Variants in STARD9 observed in about 807,000 individuals in gnomAD.
STARD9 encodes stAR-related lipid transfer protein 9.
STARD9 carries 346 observed loss-of-function variants against 399.8 expected under a neutral mutation model. The ratio of observed to expected loss-of-function variants is 0.87; its 90% CI spans 0.79 to 0.95. The LOEUF (loss-of-function observed/expected upper bound fraction) is 0.95. STARD9 is among the 40% of genes least tolerant of loss of function. The pLI is 0.00. For missense variants in STARD9, 5,832 were observed against 5,667.5 expected (o/e 1.03, Z -0.93); for synonymous variants, 2,203 against 2,143.5 (o/e 1.03, Z -0.77).
intron 9 of STARD9, among the ~76,000 whole-genome samples, chr15:42,653,133 TA>T (rs2059797765): frequency 6.6e-6 from 1 of 152,246 alleles, no homozygotes; most frequent in Non-Finnish European, 1.5e-5. Flanking sequence ...TGCTTATATT[TA>T]TTTTTAACAT....
At chr15:42,612,780 T>TTGAGA (rs1310777216) in intron 3 of STARD9, among the ~76,000 whole-genome samples, 12 of 152,108 alleles carry the variant, frequency 7.9e-5, no homozygotes, top group Admixed American at 7.9e-4. Context: ...GGTCAGAAGT[T>TTGAGA]TGAGACCAGC....
intron 3 of STARD9, among the ~76,000 whole-genome samples, chr15:42,627,482 T>C (rs1236499072): frequency 6.6e-6 from 1 of 152,200 alleles, no homozygotes; most frequent in African/African-American, 2.4e-5. Flanking sequence ...TATTTTGAAA[T>C]GTACAATAAA....
chr15:42,693,508 T>C lies in STARD9; in HGVS notation c.11930T>C (p.Leu3977Pro). 6.5e-7 allele frequency: 1 copy of C among 1,537,272 alleles called. No homozygotes were observed. The highest frequency in any genetic ancestry group is 1.2e-5 in the South Asian group (1 of 84,058). Residue 3977 changes from leucine (L) to proline (P), a missense_variant, in exon 23 of 33, where the codon CTT (leucine) becomes CCT (proline). Coordinates refer to ENST00000290607, the MANE Select transcript of STARD9 (RefSeq NM_020759.3). ...SLQRSNGRSF[L>P]ELHSPHSPQQ... ...CAAAGGAGTAATGGGAGATCCTTCC[T>C]TGAGTTGCACTCCCCACACAGCCCA...
At chr15:42,705,459 A>C (rs750405856) in intron 26 of STARD9, among the ~76,000 whole-genome samples, 8 of 151,684 alleles carry the variant, frequency 5.3e-5, no homozygotes, top group Non-Finnish European at 1.0e-4. Context: ...TTTGAGATGG[A>C]GTCTTGCTCT....
chr15:42,648,534 C>A (rs2059690898), intron 7 of STARD9, among the ~76,000 whole-genome samples: 1 of 152,144 alleles, frequency 6.6e-6, no homozygotes, highest in Non-Finnish European at 1.5e-5. Flanking sequence ...TTCTTTTAGT[C>A]ATTAAAAATT....
rs1201071616 is a variant in STARD9, at chr15:42,693,360, G to T, written c.11782G>T (p.Val3928Phe). The stretch of plus-strand genomic sequence containing the variant: ...CCTCTCAGCCCCTTCAACTCACCCT[G>T]TTGAAGGCCACCAGAAGCTTGACTC... ...LTLSAPSTHP[V>F]EGHQKLDSSP... Residue 3928 changes from valine to phenylalanine, a missense_variant, in exon 23 of 33, where the codon GTT becomes TTT. Physicochemically the swap from Val to Phe is conservative, Grantham distance 50. This residue lies in a region of STARD9 where 5,828 missense variants were observed against 5,651.1 expected (regional missense o/e 1.03). Coordinates refer to ENST00000290607, the MANE Select transcript of STARD9 (RefSeq NM_020759.3). The T allele has an allele frequency of 2.6e-6, 4 of 1,537,020 alleles. No individual in the cohort carries two copies. The highest frequency in any genetic ancestry group is 3.5e-6 in the Non-Finnish European group (4 of 1,146,892).
chr15:42,703,779 G>A (rs190317101), intron 26 of STARD9, among the ~76,000 whole-genome samples: 5 of 151,752 alleles, frequency 3.3e-5, no homozygotes, highest in Admixed American at 2.0e-4. Flanking sequence ...CTGTCTTTGA[G>A]CTCACAGATT....
intron 26 of STARD9, among the ~76,000 whole-genome samples, chr15:42,707,468 C>CTT (rs544507849): frequency 1.7e-4 from 23 of 134,632 alleles, no homozygotes; most frequent in Non-Finnish European, 2.4e-4. Context: ...GAGTGAAAAA[C>CTT]TTTTTTTTTT....
intron 7 of STARD9, among the ~76,000 whole-genome samples, chr15:42,648,130 G>T (rs2059682463): frequency 6.6e-6 from 1 of 152,178 alleles, no homozygotes. Flanking sequence ...TTTCCCTCTA[G>T]TGTGGATCTG....
chr15:42,656,589 T>A (rs1294210868), intron 9 of STARD9, among the ~76,000 whole-genome samples: 1 of 152,114 alleles, frequency 6.6e-6, no homozygotes, highest in East Asian at 1.9e-4. Context: ...CAAATGTCCG[T>A]CAATGAGTGG....
intron 16 of STARD9, among the ~76,000 whole-genome samples, chr15:42,673,454 A>G (rs189158577): frequency 2.6e-5 from 4 of 152,304 alleles, no homozygotes; most frequent in Non-Finnish European, 5.9e-5. Context: ...GGGAGGTGTT[A>G]TGAAGTCGAA....
At chr15:42,616,890 C>CAAAAAAAAAAAAAAAAAAAACAAAAA (rs565991513) in intron 3 of STARD9, among the ~76,000 whole-genome samples, 1 of 57,172 alleles carries the variant, frequency 1.7e-5, no homozygotes. Flanking sequence ...GACTTCCTCT[C>CAAAAAAAAAAAAAAAAAAAACAAAAA]AAAAAAAAAA....
At position 42,688,724 on chromosome 15, in the gene STARD9, C is replaced by G. The variant is rs750371154; in HGVS notation, c.7146C>G (p.Asp2382Glu). 40 of 1,537,702 alleles carry G rather than the reference C, an allele frequency of 2.6e-5. No individual in the cohort carries two copies. In the African/African-American group the frequency reaches 5.5e-4, roughly 21 times the overall value. ...SPLVTGVEHQ[D>E]QSTETRSHSP... ...TGGTAACTGGAGTAGAGCATCAGGA[C>G]CAGAGTACGGAGACCAGAAGCCACA... Residue 2382 changes from aspartate (D) to glutamate (E), a missense_variant, in exon 23 of 33, where the codon GAC (aspartate) becomes GAG (glutamate). Around this residue, in one of 2 missense-constraint regions of STARD9, gnomAD observed 5,828 missense variants for 5,651.1 expected, o/e 1.03. Coordinates refer to ENST00000290607, the MANE Select transcript of STARD9 (RefSeq NM_020759.3).
chr15:42,674,109 A>T (rs1365185647), intron 16 of STARD9: 1 of 439,890 alleles, frequency 2.3e-6, no homozygotes, highest in Non-Finnish European at 4.4e-6. Context: ...AATTTTTCTG[A>T]CCAATGGCTG....
chr15:42,705,994 C>G (rs2061069853), intron 26 of STARD9, among the ~76,000 whole-genome samples: 1 of 151,932 alleles, frequency 6.6e-6, no homozygotes, highest in Non-Finnish European at 1.5e-5. Flanking sequence ...CTCGAGTGAT[C>G]TGCCTACCTC....
intron 26 of STARD9, among the ~76,000 whole-genome samples, chr15:42,704,902 A>G (rs955635847): frequency 1.3e-5 from 2 of 152,208 alleles, no homozygotes; most frequent in Admixed American, 6.5e-5. Context: ...CCTGAAGCCT[A>G]TGGCCTCTTG....
At chr15:42,624,571 C>A (rs370132742) in intron 3 of STARD9, among the ~76,000 whole-genome samples, 1 of 149,036 alleles carries the variant, frequency 6.7e-6, no homozygotes, top group South Asian at 2.1e-4. Flanking sequence ...TTTTTTGAGA[C>A]AGAGTCTCCC....
At chr15:42,600,942 A>G (rs1408997355) in intron 3 of STARD9, among the ~76,000 whole-genome samples, 1 of 150,878 alleles carries the variant, frequency 6.6e-6, no homozygotes, top group African/African-American at 2.4e-5. Flanking sequence ...TCATAGGACA[A>G]TAGTGGAGGG....
At chr15:42,644,584 CTT>C (rs1397919737) in intron 7 of STARD9, among the ~76,000 whole-genome samples, 1 of 152,128 alleles carries the variant, frequency 6.6e-6, no homozygotes, top group Non-Finnish European at 1.5e-5. Context: ...GTCATAATCT[CTT>C]TGCTGGTGCA....
Sources: gnomAD v4.1 joint callset for allele counts (sites outside exome capture counted in the v4.1 genomes callset) on GRCh38, gnomAD v4.1.1 for gene constraint, gnomAD v4.1.1 regional missense constraint, MANE v1.5 for transcripts, NCBI Gene and HGNC (gene_info 2026-07-23, HGNC 2026-07-21) for gene names.